ILF2: variants seen among roughly 807,000 people sequenced by gnomAD.
The protein encoded by ILF2 is interleukin enhancer-binding factor 2.
ILF2 carries 9 observed loss-of-function variants against 55.3 expected under a neutral mutation model. The ratio of observed to expected loss-of-function variants is 0.16; its 90% confidence interval spans 0.10 to 0.28. The LOEUF (loss-of-function observed/expected upper bound fraction) is 0.28, where lower values mean the gene tolerates loss of function less well. ILF2 is among the 10% of genes least tolerant of loss of function. ILF2 has a pLI of 1.00. For synonymous variants in ILF2, 151 were observed against 161.8 expected (o/e 0.93, Z 0.50); for missense variants, 266 against 474.9 (o/e 0.56, Z 4.09).
At chr1:153,670,357 T>C in intron 1 of ILF2, 127 bp from the exon 2 acceptor site, 1 of 847,932 alleles carries the variant, frequency 1.2e-6, no homozygotes. Flanking sequence ...ACACTTACAC[T>C]TGTCCCCATT....
At position 153,668,444 on chromosome 1, in the gene ILF2, A is replaced by G; in HGVS notation, c.213+9T>C. The G allele has an allele frequency of 6.2e-7, 1 of 1,614,156 alleles. No homozygotes were observed. The highest frequency in any genetic ancestry group is 1.1e-5 in the South Asian group (1 of 91,068). On this transcript the variant is annotated intron_variant, in intron 4 of 13. Coordinates refer to ENST00000361891, the MANE Select transcript of ILF2 (RefSeq NM_004515.4). ...GAGACATTTCTGGAAGACAGCCAAAAGAACATACCTGTTCAGCAGAATTGG... is the reference window on the plus strand; with the variant it reads ...GAGACATTTCTGGAAGACAGCCAAAGGAACATACCTGTTCAGCAGAATTGG...
rs1286370204 is a variant in ILF2, at chr1:153,666,979, T to C, written c.394+576A>G. On this transcript the variant is annotated intron_variant, in intron 6 of 13. Coordinates refer to ENST00000361891, the MANE Select transcript of ILF2 (RefSeq NM_004515.4). ...TCTACTAAAAATAGAAAAATTAGCC[T>C]GGCATGGTGGCACTTGCCTGTAATC... Among the ~76,000 whole-genome samples the C allele has an allele frequency of 3.3e-5, 5 of 151,924 alleles. No homozygotes were observed. The East Asian group carries it at 9.7e-4, about 29-fold the overall frequency.
chr1:153,664,145 G>T lies in ILF2; in HGVS notation c.657-15C>A. On this transcript the variant is annotated splice_polypyrimidine_tract_variant and intron_variant, in intron 9 of 13. Coordinates refer to ENST00000361891, the MANE Select transcript of ILF2 (RefSeq NM_004515.4). The stretch of plus-strand genomic sequence containing the variant: ...GAACTTTAACTCTGAAAGTAATAGT[G>T]ACCCAAACATTAAAATCAATACGAT... 1 of 1,520,534 alleles carries T rather than the reference G, an allele frequency of 6.6e-7. No individual in the cohort carries two copies. Among genetic ancestry groups the T allele is most frequent in the South Asian group, 1.1e-5 (1 of 88,230 alleles). 94.2% of individuals were successfully genotyped at this position (1,520,534 alleles called of 1,614,324 possible).
rs765561090 is a variant in ILF2 at position 153,669,824 on chromosome 1, C to G, written c.108+12G>C. 2 of 1,607,044 alleles carry G rather than the reference C, an allele frequency of 1.2e-6. No individual in the cohort carries two copies. The highest frequency in any genetic ancestry group is 1.7e-6 in the Non-Finnish European group (2 of 1,173,580). ...GACCAGAAAATGTGTATCATTAACC[C>G]AAGGTACTCACCAAATAGAAGTCAA... On this transcript the variant is annotated intron_variant, in intron 3 of 13. Coordinates refer to ENST00000361891, the MANE Select transcript of ILF2 (RefSeq NM_004515.4).
At chr1:153,662,609 A>C in intron 13 of ILF2, 53 bp from the exon 14 acceptor site, 1 of 1,574,654 alleles carries the variant, frequency 6.4e-7, no homozygotes. Context: ...AAAAGTCATT[A>C]CTTACACTGT....
Position 153,667,989 on chromosome 1 carries a change from C to T in ILF2, c.291+11G>A, listed in dbSNP as rs375479397. ...CTGCCCTTTCCTAAAACTAAATCATCAAAAACTCACCACTTCAAATGTCCC... is the reference window on the plus strand; with the variant it reads ...CTGCCCTTTCCTAAAACTAAATCATTAAAAACTCACCACTTCAAATGTCCC... On this transcript the variant is annotated intron_variant, in intron 5 of 13. Transcript: ENST00000361891. 1.2e-4 allele frequency: 188 copies of T among 1,595,922 alleles called. No individual in the cohort carries two copies. Among genetic ancestry groups the T allele is most frequent in the Middle Eastern group, 1.7e-4 (1 of 6,012 alleles).
chr1:153,670,785 G>T, intron 1 of ILF2, 133 bp downstream of exon 1: 4 of 1,065,662 alleles, frequency 3.8e-6, no homozygotes, highest in South Asian at 2.5e-5. Flanking sequence ...CACTATCCTA[G>T]ACCAGGAGTT....
At position 153,662,098 on chromosome 1, in the gene ILF2, CACA is replaced by C. The variant is rs1353349512; in HGVS notation, c.*295_*297del. On this transcript the variant is annotated 3_prime_UTR_variant, in exon 14 of 14. Transcript: ENST00000361891. ...AAAAATTTCCAGACACTTAACATTT[CACA>C]ACATTTCAACAGCAAAGTATTAGTT... 5.5e-5 allele frequency: 14 copies of C among 252,646 alleles called. No homozygotes were observed. The East Asian group carries it at 8.7e-4, about 16-fold the overall frequency. 15.7% of individuals were successfully genotyped at this position (252,646 alleles called of 1,614,324 possible).
At position 153,665,746 on chromosome 1, in the gene ILF2, A is replaced by G; in HGVS notation, c.395-18T>C. On this transcript the variant is annotated intron_variant, in intron 6 of 13. Coordinates refer to ENST00000361891, the MANE Select transcript of ILF2 (RefSeq NM_004515.4). The stretch of plus-strand genomic sequence containing the variant: ...AGCTTCCACTAATTGACAGAAAATG[A>G]CATAATGTTATAATAATTTATTTGC... 6.3e-7 allele frequency: 1 copy of G among 1,587,360 alleles called. No individual in the cohort carries two copies. The highest frequency in any genetic ancestry group is 8.6e-7 in the Non-Finnish European group (1 of 1,161,186).
At chr1:153,663,958 A>G in intron 10 of ILF2, 85 bp downstream of exon 10, 1 of 113,274 alleles carries the variant, frequency 8.8e-6, no homozygotes, top group South Asian at 2.2e-4. Flanking sequence ...TTTCAGAGTT[A>G]CTACTACTAC....
At position 153,663,199 on chromosome 1, in the gene ILF2, C is replaced by T. The variant is rs114878510; in HGVS notation, c.806+16G>A. ...AAATAGTTTACAACCAACCCTAAAC[C>T]CAAAGCATGCTGTACCTGTATGCAA... On this transcript the variant is annotated intron_variant, in intron 11 of 13. Coordinates refer to ENST00000361891, the MANE Select transcript of ILF2 (RefSeq NM_004515.4). The T allele has an allele frequency of 2.2e-5, 35 of 1,613,944 alleles. No individual in the cohort carries two copies. The highest frequency in any genetic ancestry group is 4.0e-5 in the African/African-American group (3 of 74,894).
intron 6 of ILF2, 85 bp downstream of exon 6, chr1:153,667,470 A>G: frequency 1.0e-6 from 1 of 968,998 alleles, no homozygotes; most frequent in Non-Finnish European, 1.7e-6. Context: ...CGGAGGGAGA[A>G]TTTGTCTCAA....
chr1:153,670,785 G>C, intron 1 of ILF2, 133 bp downstream of exon 1: 2 of 1,065,668 alleles, frequency 1.9e-6, no homozygotes, highest in Non-Finnish European at 1.5e-6. Flanking sequence ...CACTATCCTA[G>C]ACCAGGAGTT....
At chr1:153,667,532 T>C (rs756892630) in intron 6 of ILF2, 23 bp downstream of exon 6, 1 of 1,482,270 alleles carries the variant, frequency 6.7e-7, no homozygotes, top group Non-Finnish European at 9.4e-7. Context: ...TCTGTTCCCA[T>C]GACCAGAAAC....
chr1:153,663,309 C>T (rs1212064342), intron 10 of ILF2, 33 bp from the exon 11 acceptor site: 1 of 1,580,608 alleles, frequency 6.3e-7, no homozygotes, highest in Non-Finnish European at 8.7e-7. Context: ...GGTGTGCCAT[C>T]AAAATGGCAC....
chr1:153,664,214 A>G lies in ILF2; in HGVS notation c.657-84T>C. On this transcript the variant is annotated intron_variant, in intron 9 of 13. Transcript: ENST00000361891. ...AGGTAGAATTGAAGCTGACTATGCT[A>G]TTTCCAGAACTATACATTCTCTGCT... The G allele has an allele frequency of 7.0e-6, 7 of 997,088 alleles. 1 individual carries two copies. Among genetic ancestry groups the G allele is most frequent in the South Asian group, 2.8e-5 (2 of 70,576 alleles). 61.8% of individuals were successfully genotyped at this position (997,088 alleles called of 1,614,324 possible). A position where few individuals can be genotyped will look rare whatever the true frequency, so the allele number is the denominator to read the frequency against.
Position 153,665,664 on chromosome 1 carries a change from T to C in ILF2, c.459A>G (p.Glu153=), listed in dbSNP as rs1669289278. 1 of 1,613,432 alleles carries C rather than the reference T, an allele frequency of 6.2e-7. No individual in the cohort carries two copies. Residue 153 remains glutamate, a splice_region_variant and synonymous_variant, in exon 7 of 14, where the codon GAA becomes GAG. Coordinates refer to ENST00000361891, the MANE Select transcript of ILF2 (RefSeq NM_004515.4). ...ACAGAATCAGCAACAAATGCAAACC[T>C]TCAGAAGGATCCTGTGCTCTTAGGC... ...VESLRAQDPS[E]VLTMLTNETG...
intron 6 of ILF2, 180 bp downstream of exon 6, chr1:153,667,375 G>C (rs1291429530): frequency 7.8e-6 from 5 of 637,258 alleles, no homozygotes; most frequent in African/African-American, 1.8e-5. Context: ...CTACTCGGGA[G>C]GCTAAGGCGG....
intron 12 of ILF2, 97 bp from the exon 13 acceptor site, chr1:153,662,892 C>T (rs1669207427): frequency 1.5e-6 from 2 of 1,338,024 alleles, no homozygotes; most frequent in East Asian, 2.3e-5. Flanking sequence ...CTTTTTAAAT[C>T]TCAGGACCAA....
Sources: allele counts gnomAD v4.1 joint callset (sites outside exome capture counted in the v4.1 genomes callset), GRCh38; gene constraint gnomAD v4.1.1; transcripts MANE v1.5; gene names NCBI Gene and HGNC (gene_info 2026-07-23, HGNC 2026-07-21).